The following CFAP97 variants were observed in gnomAD, a reference collection of about 807,000 sequenced individuals.
CFAP97 encodes the protein cilia- and flagella-associated protein 97.
A neutral mutation model predicts 43.1 loss-of-function variants in CFAP97; 36 were observed. The ratio of observed to expected loss-of-function variants is 0.84; its 90% CI spans 0.64 to 1.10. CFAP97 has a LOEUF of 1.10. Ranked by LOEUF, CFAP97 falls within the 50% of genes least tolerant of loss-of-function variation. CFAP97 has a pLI of 0.00. For synonymous variants in CFAP97, 228 were observed against 225.7 expected (o/e 1.01, Z -0.09); for missense variants, 657 against 620.3 (o/e 1.06, Z -0.63).
chr4:185,166,342 G>A (rs1247506554), intron 3 of CFAP97, among the ~76,000 whole-genome samples: 1 of 152,148 alleles, frequency 6.6e-6, no homozygotes, highest in Non-Finnish European at 1.5e-5. Flanking sequence ...CACATCTCCA[G>A]TGTATTCTAC....
chr4:185,196,873 A>T (rs1487981539), intron 1 of CFAP97, among the ~76,000 whole-genome samples: 5 of 152,052 alleles, frequency 3.3e-5, no homozygotes, highest in Non-Finnish European at 5.9e-5. Context: ...GCTGAGGTGA[A>T]TGGATTATTT....
intron 2 of CFAP97, among the ~76,000 whole-genome samples, chr4:185,178,240 C>CTTTT (rs562452947): frequency 2.6e-4 from 17 of 64,218 alleles, no homozygotes; most frequent in African/African-American, 8.9e-4. Context: ...CGGTTTTTGT[C>CTTTT]TTTTTTTTTT....
At position 185,190,576 on chromosome 4, in the gene CFAP97, A is replaced by G. The variant is rs1736196360; in HGVS notation, c.621T>C (p.Ser207=). Residue 207 remains serine, a synonymous_variant, in exon 2 of 5, where the codon TCT becomes TCC. Transcript: ENST00000458385. ...LSDSSPSSKS[S]KKHVSGITLL... Reference sequence around the variant, plus strand: ...GGGTTATACCAGATACATGTTTCTTAGATGACTTAGATGACGGAGACGAAT... The same window carrying G: ...GGGTTATACCAGATACATGTTTCTTGGATGACTTAGATGACGGAGACGAAT... 1 of 1,613,598 alleles carries G rather than the reference A, an allele frequency of 6.2e-7. No individual in the cohort carries two copies. Among genetic ancestry groups the G allele is most frequent in the Non-Finnish European group, 8.5e-7 (1 of 1,179,680 alleles).
At chr4:185,201,047 G>A (rs999892811) in intron 1 of CFAP97, among the ~76,000 whole-genome samples, 2 of 152,012 alleles carry the variant, frequency 1.3e-5, no homozygotes, top group African/African-American at 2.4e-5. Context: ...TGTGAGGCTC[G>A]GTGCTGTGGC....
rs527307501 is a variant in CFAP97, at chr4:185,165,924, C to T, written c.1321-1745G>A. Among the ~76,000 whole-genome samples the T allele has an allele frequency of 8.6e-5, 13 of 151,918 alleles. No individual in the cohort carries two copies. The South Asian group carries it at 2.7e-3, about 32-fold the overall frequency. On this transcript the variant is annotated intron_variant, in intron 3 of 4. Coordinates refer to ENST00000458385, the MANE Select transcript of CFAP97 (RefSeq NM_020827.3). Reference sequence around the variant, plus strand: ...AAGCCAAGATATCCAGGGGAAGGGCCACTTAGAAAAGGGAGAGGAGGAGGT... The same window carrying T: ...AAGCCAAGATATCCAGGGGAAGGGCTACTTAGAAAAGGGAGAGGAGGAGGT...
intron 2 of CFAP97, among the ~76,000 whole-genome samples, chr4:185,186,360 G>C (rs1035852848): frequency 1.3e-5 from 2 of 152,244 alleles, no homozygotes; most frequent in East Asian, 3.9e-4. Flanking sequence ...TTGAACCCGG[G>C]AGGCAGAGGT....
At chr4:185,178,240 C>CTTTTTTT (rs562452947) in intron 2 of CFAP97, among the ~76,000 whole-genome samples, 1 of 64,220 alleles carries the variant, frequency 1.6e-5, no homozygotes, top group African/African-American at 5.6e-5. Flanking sequence ...CGGTTTTTGT[C>CTTTTTTT]TTTTTTTTTT....
chr4:185,186,979 A>C (rs1736029579), intron 2 of CFAP97, among the ~76,000 whole-genome samples: 1 of 152,192 alleles, frequency 6.6e-6, no homozygotes, highest in Non-Finnish European at 1.5e-5. Context: ...CAACCCAATA[A>C]ATCATCCACC....
chr4:185,186,217 G>C (rs1326073904), intron 2 of CFAP97, among the ~76,000 whole-genome samples: 1 of 152,194 alleles, frequency 6.6e-6, no homozygotes, highest in Non-Finnish European at 1.5e-5. Context: ...TGGATCACCT[G>C]AGGTCAGGAG....
intron 2 of CFAP97, chr4:185,182,588 AAT>A (rs1444964598): frequency 1.3e-5 from 2 of 152,180 alleles, no homozygotes; most frequent in South Asian, 2.1e-4. Flanking sequence ...TCCTCCTACA[AAT>A]AGAGTGCCTG....
Position 185,190,393 on chromosome 4 carries a change from A to T in CFAP97, c.804T>A (p.Ser268=). ...GATCATTTGCTATGCCCAGTTCAAA[A>T]GACTGAAGAGGGCTAATGTCTGGAG... is the stretch of plus-strand genomic sequence containing the variant. ...LSTPDISPLQ[S]FELGIANDQK... The change falls in exon 2 of 5, where the codon TCT becomes TCA. Residue 268 remains serine, a synonymous_variant. Transcript: ENST00000458385. 1.9e-6 allele frequency: 3 copies of T among 1,612,316 alleles called. No homozygotes were observed. Among genetic ancestry groups the T allele is most frequent in the Non-Finnish European group, 2.5e-6 (3 of 1,178,900 alleles).
chr4:185,200,652 AG>A (rs889301570), intron 1 of CFAP97, among the ~76,000 whole-genome samples: 2 of 151,622 alleles, frequency 1.3e-5, no homozygotes, highest in Admixed American at 1.3e-4. Flanking sequence ...AAAAAAAAAA[AG>A]CTGGGTTGCA....
At position 185,160,851 on chromosome 4, in the gene CFAP97, T is replaced by TA. The variant is rs1179607086; in HGVS notation, c.*1946dup. ...TAAATATATAATCTTTATATATATA[T>TA]AAAAATCTTTTTTAAAAGATTTTTA... is the stretch of plus-strand genomic sequence containing the variant. On this transcript the variant is annotated 3_prime_UTR_variant, in exon 5 of 5. Transcript: ENST00000458385. The TA allele has an allele frequency of 6.8e-6, 1 of 147,156 alleles. No homozygotes were observed. The highest frequency in any genetic ancestry group is 1.5e-5 in the Non-Finnish European group (1 of 66,654). The allele number at this position is 147,156 out of a possible 1,614,324, so 9.1% of individuals were successfully genotyped here.
chr4:185,176,347 A>G (rs1378505850), intron 2 of CFAP97, among the ~76,000 whole-genome samples: 1 of 152,214 alleles, frequency 6.6e-6, no homozygotes, highest in Admixed American at 6.5e-5. Flanking sequence ...TCCTGACCTC[A>G]GGTGATCCAC....
chr4:185,165,200 C>T (rs1025654621), intron 3 of CFAP97, among the ~76,000 whole-genome samples: 2 of 152,208 alleles, frequency 1.3e-5, no homozygotes, highest in Admixed American at 1.3e-4. Context: ...GTAGTCCCAG[C>T]ACTTTGGGGA....
At chr4:185,193,137 T>C (rs1439238537) in intron 1 of CFAP97, among the ~76,000 whole-genome samples, 2 of 152,168 alleles carry the variant, frequency 1.3e-5, no homozygotes, top group East Asian at 3.9e-4. Context: ...CTGGATCAGC[T>C]TATTGTTGCC....
chr4:185,199,041 T>C (rs1396957150), intron 1 of CFAP97, among the ~76,000 whole-genome samples: 3 of 152,154 alleles, frequency 2.0e-5, no homozygotes, highest in South Asian at 2.1e-4. Flanking sequence ...CTGGTGACTT[T>C]AAAATGAAGC....
At chr4:185,198,556 G>A (rs1394129406) in intron 1 of CFAP97, among the ~76,000 whole-genome samples, 9 of 151,924 alleles carry the variant, frequency 5.9e-5, no homozygotes, top group African/African-American at 2.2e-4. Flanking sequence ...TTGGGAGGCC[G>A]AGATGGGCAG....
chr4:185,176,395 G>A (rs1735544829), intron 2 of CFAP97, among the ~76,000 whole-genome samples: 1 of 152,036 alleles, frequency 6.6e-6, no homozygotes, highest in Admixed American at 6.6e-5. Flanking sequence ...TTGCAGGTGT[G>A]AGCCACTGTG....
Sources: gnomAD v4.1 joint callset for allele counts (sites outside exome capture counted in the v4.1 genomes callset) on GRCh38, gnomAD v4.1.1 for gene constraint, MANE v1.5 for transcripts, NCBI Gene and HGNC (gene_info 2026-07-23, HGNC 2026-07-21) for gene names.